The following PLD5 variants were observed in gnomAD, a reference collection of about 807,000 sequenced individuals.
PLD5 encodes the protein phospholipase D family member 5, also known as inactive phospholipase D5.
In PLD5, 36 loss-of-function variants were observed where a neutral mutation model predicts 61.1. The ratio of observed to expected loss-of-function variants is 0.59; its 90% CI spans 0.45 to 0.78. PLD5 has a LOEUF of 0.78. Ranked by LOEUF, PLD5 falls within the 30% of genes least tolerant of loss-of-function variation. PLD5 has a pLI of 0.00. For missense variants in PLD5, 515 were observed against 644.4 expected (o/e 0.80, Z 2.17); for synonymous variants, 243 against 242.8 (o/e 1.00, Z -0.01).
chr1:242,112,283 CTGTGTGTGTGTGTGTGTGTG>C (rs748175841), intron 7 of PLD5, among the ~76,000 whole-genome samples: 10 of 119,652 alleles, frequency 8.4e-5, no homozygotes, highest in African/African-American at 2.3e-4. Flanking sequence ...AAAGGATGCA[CTGTGTGTGTGTGTGTGTGTG>C]TGTGTGTGTG....
intron 2 of PLD5, among the ~76,000 whole-genome samples, chr1:242,309,846 G>A (rs1050982533): frequency 4.5e-4 from 34 of 75,216 alleles, no homozygotes; most frequent in African/African-American, 1.1e-3. Flanking sequence ...CCTGCCTGAC[G>A]GGAATAAATA....
chr1:242,306,642 C>A (rs975457289), intron 2 of PLD5, among the ~76,000 whole-genome samples: 1 of 152,034 alleles, frequency 6.6e-6, no homozygotes, highest in African/African-American at 2.4e-5. Flanking sequence ...TGCCATTTAT[C>A]CAGAAATGAA....
chr1:242,423,589 C>T (rs74154114), intron 1 of PLD5, among the ~76,000 whole-genome samples: 24,838 of 151,936 alleles, frequency 0.16, 2,327 homozygotes, highest in African/African-American at 0.25. Context: ...ATCACTCAAG[C>T]CCAGGAACTC....
At chr1:242,095,440 C>T (rs991657139) in intron 9 of PLD5, among the ~76,000 whole-genome samples, 6 of 152,096 alleles carry the variant, frequency 3.9e-5, no homozygotes, top group Non-Finnish European at 8.8e-5. Flanking sequence ...CCATGTTGGC[C>T]AGGCTGGTCT....
chr1:242,425,229 T>C (rs1558555760), intron 1 of PLD5, among the ~76,000 whole-genome samples: 2 of 152,116 alleles, frequency 1.3e-5, no homozygotes, highest in East Asian at 1.9e-4. Context: ...CATCGTGGAG[T>C]GCACTTGCGC....
chr1:242,253,886 C>T (rs1672861446), intron 4 of PLD5, among the ~76,000 whole-genome samples: 1 of 152,110 alleles, frequency 6.6e-6, no homozygotes, highest in Non-Finnish European at 1.5e-5. Context: ...ATCAGATGAA[C>T]CCTTGTGAAA....
intron 4 of PLD5, among the ~76,000 whole-genome samples, chr1:242,263,597 G>A (rs564529676): frequency 0.012 from 1,771 of 152,044 alleles, 47 homozygotes; most frequent in African/African-American, 0.041. Context: ...ATAGCTATGA[G>A]AAATTAGGGT....
At chr1:242,197,988 G>A (rs1285633962) in intron 5 of PLD5, among the ~76,000 whole-genome samples, 1 of 152,126 alleles carries the variant, frequency 6.6e-6, no homozygotes, top group African/African-American at 2.4e-5. Context: ...GTGAGCTCTT[G>A]AAGGAAAACA....
intron 1 of PLD5, among the ~76,000 whole-genome samples, chr1:242,431,831 T>C (rs1358767429): frequency 6.6e-6 from 1 of 152,212 alleles, no homozygotes; most frequent in South Asian, 2.1e-4. Context: ...CAGAGAAAAT[T>C]AGGCCACTAA....
At chr1:242,230,780 A>G (rs1234420772) in intron 4 of PLD5, among the ~76,000 whole-genome samples, 1 of 152,240 alleles carries the variant, frequency 6.6e-6, no homozygotes, top group Non-Finnish European at 1.5e-5. Context: ...AAATACTGTG[A>G]AAACTATGTT....
intron 4 of PLD5, among the ~76,000 whole-genome samples, chr1:242,251,701 C>G (rs1362406678): frequency 1.3e-5 from 2 of 151,988 alleles, no homozygotes; most frequent in Non-Finnish European, 2.9e-5. Flanking sequence ...TTTCCTTTCC[C>G]CTCATTGACT....
chr1:242,210,190 G>A (rs866622640), intron 5 of PLD5, among the ~76,000 whole-genome samples: 17 of 152,288 alleles, frequency 1.1e-4, no homozygotes, highest in African/African-American at 3.6e-4. Context: ...GCCAAGTTGT[G>A]AATACAAAGG....
chr1:242,170,295 G>T (rs1382332515), intron 5 of PLD5, among the ~76,000 whole-genome samples: 4 of 152,164 alleles, frequency 2.6e-5, no homozygotes, highest in Non-Finnish European at 5.9e-5. Context: ...GGCAAACAGG[G>T]TCTGGAGTGG....
At chr1:242,524,838 C>T (rs186469554), upstream of PLD5, 1 of 151,962 alleles carries the variant, frequency 6.6e-6, no homozygotes, top group Non-Finnish European at 1.5e-5. Context: ...CGCCCAGGCC[C>T]GGGCGGCCGC....
chr1:242,529,859 C>A, the PLD5 span, among the ~76,000 whole-genome samples: 5 of 143,888 alleles, frequency 3.5e-5, no homozygotes, highest in African/African-American at 5.2e-5. Context: ...CTTCCTTCCT[C>A]TCTCTCTTTC....
chr1:242,336,041 C>T (rs759538410), intron 2 of PLD5, among the ~76,000 whole-genome samples: 55 of 152,212 alleles, frequency 3.6e-4, no homozygotes, highest in African/African-American at 1.2e-3. Context: ...CGAATAGGCA[C>T]GCCACAGGTG....
intron 5 of PLD5, chr1:242,192,307 A>G (rs1668334830): frequency 6.6e-6 from 1 of 152,224 alleles, no homozygotes; most frequent in African/African-American, 2.4e-5. Context: ...CCTGAAAGGT[A>G]GGTTGCAAAC....
chr1:242,126,203 G>C (rs999455404), intron 5 of PLD5, among the ~76,000 whole-genome samples: 1 of 152,052 alleles, frequency 6.6e-6, no homozygotes, highest in Non-Finnish European at 1.5e-5. Flanking sequence ...CTCATGGATG[G>C]GTAGAATCAA....
chr1:242,359,817 T>C (rs1293676441), intron 1 of PLD5, among the ~76,000 whole-genome samples: 1 of 152,208 alleles, frequency 6.6e-6, no homozygotes, highest in African/African-American at 2.4e-5. Flanking sequence ...AGAAGATAGA[T>C]AGCAGTAAAT....
Sources: gnomAD v4.1 joint callset for allele counts (sites outside exome capture counted in the v4.1 genomes callset) on GRCh38, gnomAD v4.1.1 for gene constraint, MANE v1.5 for transcripts, NCBI Gene and HGNC (gene_info 2026-07-23, HGNC 2026-07-21) for gene names.